Variants in MAGI3 observed in about 807,000 individuals in gnomAD.
MAGI3 encodes the protein membrane associated guanylate kinase, WW and PDZ domain containing 3.
MAGI3 carries 43 observed loss-of-function variants against 121.8 expected under a neutral mutation model. That is an observed-to-expected ratio of 0.35 (90% CI 0.28 to 0.46). The LOEUF (loss-of-function observed/expected upper bound fraction) is 0.46. Ranked by LOEUF, MAGI3 falls within the 20% of genes least tolerant of loss-of-function variation. The probability of loss-of-function intolerance (pLI) is 1.00; values close to 1 mark genes in which losing one functional copy is unlikely to be tolerated. For missense variants in MAGI3, 1,547 were observed against 1,797.3 expected (o/e 0.86, Z 2.52); for synonymous variants, 553 against 639.3 (o/e 0.86, Z 2.04).
intron 2 of MAGI3, among the ~76,000 whole-genome samples, chr1:113,575,584 C>T (rs973119661): frequency 4.9e-4 from 74 of 152,304 alleles, no homozygotes; most frequent in Non-Finnish European, 6.8e-4. Context: ...GAGGGGCACC[C>T]ACCTGATGCC....
chr1:113,401,902 A>G (rs1336821674), intron 1 of MAGI3, among the ~76,000 whole-genome samples: 5 of 152,162 alleles, frequency 3.3e-5, no homozygotes, highest in Non-Finnish European at 7.4e-5. Context: ...GAGGCAGGTA[A>G]AGCAGGTTGT....
chr1:113,538,524 A>G (rs1299916825), intron 1 of MAGI3, among the ~76,000 whole-genome samples: 1 of 152,218 alleles, frequency 6.6e-6, no homozygotes, highest in Non-Finnish European at 1.5e-5. Flanking sequence ...CCTCAGGATA[A>G]CACTTCTAAA....
At position 113,642,296 on chromosome 1, in the gene MAGI3, TAAGGGCCCTA is replaced by T. The variant is rs753142982; in HGVS notation, c.1752_1761del (p.Pro585LeufsTer14). 1 of 1,614,128 alleles carries T rather than the reference TAAGGGCCCTA, an allele frequency of 6.2e-7. No individual in the cohort carries two copies. Among genetic ancestry groups the T allele is most frequent in the Non-Finnish European group, 8.5e-7 (1 of 1,180,034 alleles). On this transcript the variant is annotated frameshift_variant, in exon 10 of 21. Transcript: ENST00000307546. LOFTEE classifies it high-confidence loss of function. Reference sequence around the variant, plus strand: ...CTGAACTAGTGACTATCCCTTTGATTAAGGGCCCTAAAGGGTTTGGGTTTGCAATTGCTGA... The same window carrying T: ...CTGAACTAGTGACTATCCCTTTGATTAAGGGTTTGGGTTTGCAATTGCTGA...
At chr1:113,659,326 G>C in intron 16 of MAGI3, 61 bp downstream of exon 16, 1 of 1,538,544 alleles carries the variant, frequency 6.5e-7, no homozygotes. Context: ...GCCTGTGTGA[G>C]GCAGTGGCCT....
At chr1:113,550,419 A>C (rs1227728956) in intron 2 of MAGI3, among the ~76,000 whole-genome samples, 1 of 151,896 alleles carries the variant, frequency 6.6e-6, no homozygotes, top group Non-Finnish European at 1.5e-5. Flanking sequence ...CCGTCTCAAA[A>C]AAAAAAAGTA....
chr1:113,486,527 T>A (rs1220894007), intron 1 of MAGI3, among the ~76,000 whole-genome samples: 1 of 152,160 alleles, frequency 6.6e-6, no homozygotes, highest in Non-Finnish European at 1.5e-5. Flanking sequence ...GCTGTGAATT[T>A]TCAATATATT....
chr1:113,437,189 C>CT (rs1653613136), intron 1 of MAGI3, among the ~76,000 whole-genome samples: 1 of 151,846 alleles, frequency 6.6e-6, no homozygotes, highest in Non-Finnish European at 1.5e-5. Flanking sequence ...TTTTTACATA[C>CT]TTTTATTTAA....
intron 1 of MAGI3, among the ~76,000 whole-genome samples, chr1:113,448,800 T>C (rs1206917149): frequency 6.6e-6 from 1 of 152,172 alleles, no homozygotes; most frequent in Non-Finnish European, 1.5e-5. Flanking sequence ...GCATTTTTAA[T>C]GTTACATTAG....
intron 1 of MAGI3, among the ~76,000 whole-genome samples, chr1:113,444,869 T>C (rs1654093792): frequency 6.6e-6 from 1 of 151,986 alleles, no homozygotes; most frequent in South Asian, 2.1e-4. Flanking sequence ...AAGAACATAA[T>C]GTATGAACAA....
At chr1:113,664,316 GT>G (rs1279145975) in intron 16 of MAGI3, among the ~76,000 whole-genome samples, 8 of 152,146 alleles carry the variant, frequency 5.3e-5, no homozygotes, top group Admixed American at 1.3e-4. Flanking sequence ...CTGCTTGACC[GT>G]TTTCCATGAG....
At chr1:113,497,683 G>A (rs1254903139) in intron 1 of MAGI3, among the ~76,000 whole-genome samples, 1 of 2,124 alleles carries the variant, frequency 4.7e-4, no homozygotes, top group Non-Finnish European at 7.5e-4. Flanking sequence ...CAAAGCAGCC[G>A]GGAAGCTCGA....
intron 1 of MAGI3, among the ~76,000 whole-genome samples, chr1:113,417,436 C>T (rs1652513856): frequency 6.6e-6 from 1 of 152,062 alleles, no homozygotes; most frequent in Admixed American, 6.6e-5. Flanking sequence ...TTTTCAGAGA[C>T]AGGGTCTTGC....
At chr1:113,457,303 GA>G (rs1413299780) in intron 1 of MAGI3, among the ~76,000 whole-genome samples, 1 of 152,128 alleles carries the variant, frequency 6.6e-6, no homozygotes, top group Non-Finnish European at 1.5e-5. Flanking sequence ...TTTCTTTCAG[GA>G]AAGGAATTTG....
chr1:113,627,088 T>A (rs1339921939), intron 9 of MAGI3, among the ~76,000 whole-genome samples: 1 of 152,052 alleles, frequency 6.6e-6, no homozygotes, highest in Non-Finnish European at 1.5e-5. Flanking sequence ...TCCCTCTTAG[T>A]ACTGCTTTTG....
intron 1 of MAGI3, among the ~76,000 whole-genome samples, chr1:113,419,985 C>G (rs1652652070): frequency 6.6e-6 from 1 of 152,184 alleles, no homozygotes; most frequent in South Asian, 2.1e-4. Flanking sequence ...CTACTACCCT[C>G]TTAGAAGGAT....
intron 1 of MAGI3, among the ~76,000 whole-genome samples, chr1:113,477,492 T>G (rs926416633): frequency 3.3e-5 from 5 of 152,160 alleles, no homozygotes; most frequent in Admixed American, 3.3e-4. Context: ...ATGAAGCTTA[T>G]TTTGGCTGGA....
intron 1 of MAGI3, among the ~76,000 whole-genome samples, chr1:113,539,054 A>G (rs1174869655): frequency 6.6e-6 from 1 of 152,190 alleles, no homozygotes; most frequent in Non-Finnish European, 1.5e-5. Context: ...TTCACTGCAG[A>G]AAATTTGAAA....
chr1:113,539,474 C>A (rs995243171), intron 1 of MAGI3, among the ~76,000 whole-genome samples: 12 of 150,876 alleles, frequency 8.0e-5, no homozygotes, highest in African/African-American at 2.9e-4. Flanking sequence ...TTTGATAATA[C>A]CTTAAGTATT....
chr1:113,515,684 A>T (rs1159097269), intron 1 of MAGI3, among the ~76,000 whole-genome samples: 2 of 152,134 alleles, frequency 1.3e-5, no homozygotes, highest in African/African-American at 4.8e-5. Context: ...CTCAAAATTC[A>T]GGTTTTGTCT....
Sources: allele counts gnomAD v4.1 joint callset (sites outside exome capture counted in the v4.1 genomes callset), GRCh38; gene constraint gnomAD v4.1.1; transcripts MANE v1.5; gene names NCBI Gene and HGNC (gene_info 2026-07-23, HGNC 2026-07-21).